The following ST3GAL3 variants were observed in gnomAD, a reference collection of about 807,000 sequenced individuals.
The protein encoded by ST3GAL3 is ST3 beta-galactoside alpha-2,3-sialyltransferase 3.
In ST3GAL3, 21 loss-of-function variants were observed where a neutral mutation model predicts 50.1. The observed-to-expected ratio is 0.42, with a 90% CI of 0.30 to 0.60. The LOEUF (loss-of-function observed/expected upper bound fraction) is 0.60. Ranked by LOEUF, ST3GAL3 falls within the 20% of genes least tolerant of loss-of-function variation. The pLI, the probability that ST3GAL3 is intolerant of heterozygous loss-of-function variation, is 0.19. For missense variants in ST3GAL3, 353 were observed against 489.4 expected (o/e 0.72, Z 2.63); for synonymous variants, 183 against 190.0 (o/e 0.96, Z 0.30).
At chr1:43,752,388 A>G (rs1042979834) in intron 2 of ST3GAL3, among the ~76,000 whole-genome samples, 4 of 152,206 alleles carry the variant, frequency 2.6e-5, no homozygotes, top group Non-Finnish European at 4.4e-5. Flanking sequence ...CCTGTCTTCA[A>G]AGTTTGTGCT....
At chr1:43,876,589 A>G (rs1279389236) in intron 5 of ST3GAL3, among the ~76,000 whole-genome samples, 1 of 152,186 alleles carries the variant, frequency 6.6e-6, no homozygotes, top group Non-Finnish European at 1.5e-5. Flanking sequence ...CAATGAAGGG[A>G]CAAGATAGGC....
chr1:43,829,623 A>G (rs552733045), intron 4 of ST3GAL3, among the ~76,000 whole-genome samples: 3 of 152,236 alleles, frequency 2.0e-5, no homozygotes, highest in South Asian at 2.1e-4. Context: ...GCAATTCCCA[A>G]TATGTGCCAG....
Position 43,899,044 on chromosome 1 carries a change from T to A in ST3GAL3, c.462-124T>A. On this transcript the variant is annotated intron_variant, in intron 7 of 11. Coordinates refer to ENST00000347631, the MANE Select transcript of ST3GAL3 (RefSeq NM_006279.5). The surrounding 1 kb of genome is among the most constrained non-coding windows in gnomAD (Gnocchi z 5.4). ...TCTCAGAAATGCTGCCAGAAGCCCA[T>A]TGGTCTTCTTCCTCTATCCCAGCCT... 1.0e-5 allele frequency: 14 copies of A among 1,348,902 alleles called. No individual in the cohort carries two copies. The highest frequency in any genetic ancestry group is 1.3e-5 in the Non-Finnish European group (13 of 970,828). The allele number at this position is 1,348,902 out of a possible 1,614,324, so 83.6% of individuals were successfully genotyped here.
At chr1:43,801,149 CA>C in intron 3 of ST3GAL3, 2 of 388,242 alleles carry the variant, frequency 5.2e-6, no homozygotes, top group South Asian at 3.8e-5. Flanking sequence ...CTGATAGAAC[CA>C]AGTTCATGTT....
At position 43,872,345 on chromosome 1, in the gene ST3GAL3, G is replaced by A. The variant is rs942940201; in HGVS notation, c.303-22038G>A. 3.5e-5 allele frequency among the ~76,000 whole-genome samples: 5 copies of A among 141,156 alleles called. No homozygotes were observed. In the East Asian group the frequency reaches 8.7e-4, roughly 25 times the overall value. 92.6% of individuals were successfully genotyped at this position (141,156 alleles called of 152,430 possible). Reference sequence around the variant, plus strand: ...GGGAGTGTTGGGGAAGGGTGTGAGCGAGACGGGGTGTGAGGGGGGAGGACT... The same window carrying A: ...GGGAGTGTTGGGGAAGGGTGTGAGCAAGACGGGGTGTGAGGGGGGAGGACT... On this transcript the variant is annotated intron_variant, in intron 5 of 11. Transcript: ENST00000347631.
chr1:43,751,536 A>C (rs946247913), intron 2 of ST3GAL3, among the ~76,000 whole-genome samples: 10 of 152,244 alleles, frequency 6.6e-5, no homozygotes, highest in Admixed American at 1.3e-4. Context: ...GCTAAGGTAG[A>C]TCTTCATATA....
chr1:43,813,893 A>ATG (rs2060890005), intron 3 of ST3GAL3, among the ~76,000 whole-genome samples: 3 of 51,778 alleles, frequency 5.8e-5, no homozygotes, highest in Non-Finnish European at 1.4e-4. Flanking sequence ...ACACACACAC[A>ATG]CGCACACACG....
chr1:43,926,751 CAG>C (rs1223680263), intron 11 of ST3GAL3, among the ~76,000 whole-genome samples: 1 of 152,134 alleles, frequency 6.6e-6, no homozygotes, highest in Admixed American at 6.5e-5. Context: ...CAGGTGAACT[CAG>C]AAGTTGTCTG....
intron 4 of ST3GAL3, among the ~76,000 whole-genome samples, chr1:43,835,323 G>C (rs2064150341): frequency 6.6e-6 from 1 of 152,132 alleles, no homozygotes; most frequent in East Asian, 1.9e-4. Context: ...CAGCCTGCTG[G>C]ATGACTCAGA....
At chr1:43,764,736 T>C (rs535889133) in intron 2 of ST3GAL3, among the ~76,000 whole-genome samples, 25 of 152,332 alleles carry the variant, frequency 1.6e-4, no homozygotes, top group Non-Finnish European at 2.4e-4. Flanking sequence ...TGACCCGTCA[T>C]TGGACGAGGG....
At chr1:43,866,450 G>A (rs1207395572) in intron 5 of ST3GAL3, among the ~76,000 whole-genome samples, 2 of 152,202 alleles carry the variant, frequency 1.3e-5, no homozygotes, top group African/African-American at 4.8e-5. Context: ...CACATGTGGT[G>A]GTGTGCACCC....
chr1:43,877,969 T>C (rs2074407564), intron 5 of ST3GAL3, among the ~76,000 whole-genome samples: 1 of 152,218 alleles, frequency 6.6e-6, no homozygotes, highest in Admixed American at 6.5e-5. Context: ...TCTGTATTAA[T>C]TTCCTGTGGC....
intron 11 of ST3GAL3, among the ~76,000 whole-genome samples, chr1:43,925,392 A>G (rs1235170942): frequency 6.6e-6 from 1 of 151,456 alleles, no homozygotes; most frequent in Non-Finnish European, 1.5e-5. Context: ...TTCCTTATCT[A>G]TGAAAGGGAC....
intron 1 of ST3GAL3, among the ~76,000 whole-genome samples, chr1:43,723,447 C>G (rs371439999): frequency 6.6e-6 from 1 of 152,046 alleles, no homozygotes; most frequent in Non-Finnish European, 1.5e-5. Flanking sequence ...GCTCCCTTTC[C>G]GCTTCTGCCA....
intron 2 of ST3GAL3, among the ~76,000 whole-genome samples, chr1:43,768,508 CAG>C (rs1693948028): frequency 6.6e-6 from 1 of 152,006 alleles, no homozygotes; most frequent in South Asian, 2.1e-4. Flanking sequence ...TTGTGGAGGT[CAG>C]GGAGGAGAGA....
rs576961526 is a variant in ST3GAL3, at chr1:43,804,265, T to C, written c.167-10626T>C. On this transcript the variant is annotated intron_variant, in intron 3 of 11. Transcript: ENST00000347631. Reference sequence around the variant, plus strand: ...TATAAAGGAGATGCGCTGGGATCTGTAACCTTGCCCAACCCCAGCAGTAGA... The same window carrying C: ...TATAAAGGAGATGCGCTGGGATCTGCAACCTTGCCCAACCCCAGCAGTAGA... Among the ~76,000 whole-genome samples the C allele has an allele frequency of 2.0e-5, 3 of 152,340 alleles. No individual in the cohort carries two copies. In the South Asian group the frequency reaches 6.2e-4, roughly 32 times the overall value.
At chr1:43,818,761 A>G (rs532228230) in intron 4 of ST3GAL3, among the ~76,000 whole-genome samples, 9 of 152,274 alleles carry the variant, frequency 5.9e-5, no homozygotes, top group African/African-American at 2.2e-4. Context: ...ACAAAATACC[A>G]GATCTGAAAA....
chr1:43,824,291 G>A (rs1215339455), intron 4 of ST3GAL3, among the ~76,000 whole-genome samples: 4 of 151,750 alleles, frequency 2.6e-5, no homozygotes, highest in African/African-American at 9.7e-5. Flanking sequence ...CCATCTCCTG[G>A]AGAGACTGTC....
intron 11 of ST3GAL3, among the ~76,000 whole-genome samples, chr1:43,926,998 A>T (rs2154299056): frequency 6.6e-6 from 1 of 152,248 alleles, no homozygotes; most frequent in Non-Finnish European, 1.5e-5. Context: ...CCACTGATTC[A>T]AACATGTCTC....
Sources: gnomAD v4.1 joint callset for allele counts (sites outside exome capture counted in the v4.1 genomes callset) on GRCh38, gnomAD v4.1.1 for gene constraint, Gnocchi (gnomAD v3.1) non-coding constraint, MANE v1.5 for transcripts, NCBI Gene and HGNC (gene_info 2026-07-23, HGNC 2026-07-21) for gene names.